The following DCBLD2 variants were observed in gnomAD, a reference collection of about 807,000 sequenced individuals.
DCBLD2 encodes discoidin, CUB and LCCL domain-containing protein 2.
A neutral mutation model predicts 86.8 loss-of-function variants in DCBLD2; 54 were observed. The ratio of observed to expected loss-of-function variants is 0.62; its 90% CI spans 0.50 to 0.78. The LOEUF (loss-of-function observed/expected upper bound fraction) is 0.78, where lower values mean the gene tolerates loss of function less well. Ranked by LOEUF, DCBLD2 falls within the 30% of genes least tolerant of loss-of-function variation. DCBLD2 has a pLI of 0.00. For missense variants in DCBLD2, 908 were observed against 954.2 expected, an observed-to-expected ratio of 0.95 and a Z score of 0.64; for synonymous variants, 354 against 341.3, an observed-to-expected ratio of 1.04 and a Z score of -0.41.
chr3:98,875,471 C>T (rs374165665), intron 2 of DCBLD2, among the ~76,000 whole-genome samples: 40 of 152,130 alleles, frequency 2.6e-4, no homozygotes, highest in African/African-American at 9.4e-4. Flanking sequence ...GATAACTCAA[C>T]ATCATAAAGT....
chr3:98,876,493 A>C (rs1576198312), intron 2 of DCBLD2, among the ~76,000 whole-genome samples: 1 of 151,360 alleles, frequency 6.6e-6, no homozygotes, highest in East Asian at 1.9e-4. Context: ...TAGTAAGAGA[A>C]ATGCAAATTA....
intron 13 of DCBLD2, among the ~76,000 whole-genome samples, chr3:98,805,240 T>A (rs1226059446): frequency 1.3e-5 from 2 of 152,030 alleles, no homozygotes; most frequent in Non-Finnish European, 2.9e-5. Context: ...TAATAAAAAA[T>A]TTGTGGAAAA....
At chr3:98,810,728 T>A (rs1004124957) in intron 12 of DCBLD2, among the ~76,000 whole-genome samples, 18 of 152,298 alleles carry the variant, frequency 1.2e-4, no homozygotes, top group Middle Eastern at 6.8e-3. Flanking sequence ...AGTTTTTTTT[T>A]ATGAATATGT....
intron 3 of DCBLD2, among the ~76,000 whole-genome samples, chr3:98,828,418 C>A (rs1482072546): frequency 6.6e-6 from 1 of 151,928 alleles, no homozygotes; most frequent in East Asian, 1.9e-4. Flanking sequence ...GACATTTCTC[C>A]AAAGAAGATA....
At chr3:98,898,488 G>A (rs1001320212) in intron 1 of DCBLD2, among the ~76,000 whole-genome samples, 1 of 151,090 alleles carries the variant, frequency 6.6e-6, no homozygotes, top group African/African-American at 2.4e-5. Context: ...GACTATATGC[G>A]AATTACAGAA....
At chr3:98,899,983 A>G (rs1212607779) in intron 1 of DCBLD2, among the ~76,000 whole-genome samples, 1 of 152,236 alleles carries the variant, frequency 6.6e-6, no homozygotes, top group Non-Finnish European at 1.5e-5. Flanking sequence ...TAATTTTAGA[A>G]GACGATCTAA....
chr3:98,881,769 T>C lies in DCBLD2; in HGVS notation c.206-2A>G, dbSNP rs1232619489. The C allele has an allele frequency of 1.9e-6, 3 of 1,581,246 alleles. No homozygotes were observed. The African/African-American group carries it at 4.0e-5, about 21-fold the overall frequency. ...GTACAGTGTGTCCACATCCATCACC[T>C]TTAAAAAAAGTGAAAAGAATGATAA... On this transcript the variant is annotated splice_acceptor_variant, in intron 1 of 15. Coordinates refer to ENST00000326840, the MANE Select transcript of DCBLD2 (RefSeq NM_080927.4). LOFTEE classifies it high-confidence loss of function.
intron 3 of DCBLD2, among the ~76,000 whole-genome samples, chr3:98,839,225 TTC>T (rs371373216): frequency 2.7e-5 from 4 of 149,854 alleles, no homozygotes; most frequent in Admixed American, 1.3e-4. Context: ...CCTTCTTTCC[TTC>T]TCTCTCTCTC....
intron 1 of DCBLD2, among the ~76,000 whole-genome samples, chr3:98,896,737 T>C (rs1011815768): frequency 3.9e-5 from 6 of 152,188 alleles, no homozygotes; most frequent in Non-Finnish European, 5.9e-5. Flanking sequence ...GGCCGTAAGG[T>C]TGTTATAAAG....
chr3:98,817,726 A>G, intron 9 of DCBLD2, 43 bp downstream of exon 9: 1 of 1,599,124 alleles, frequency 6.3e-7, no homozygotes, highest in Non-Finnish European at 8.6e-7. Context: ...GCAACCACCC[A>G]TTTAAAAAAT....
At chr3:98,822,555 T>C (rs1189971760) in intron 5 of DCBLD2, 114 bp downstream of exon 5, 2 of 1,266,004 alleles carry the variant, frequency 1.6e-6, no homozygotes, top group African/African-American at 1.5e-5. Flanking sequence ...GATTAAAAAA[T>C]GTCTTAAAAA....
At chr3:98,892,719 T>C (rs1187327165) in intron 1 of DCBLD2, among the ~76,000 whole-genome samples, 1 of 152,120 alleles carries the variant, frequency 6.6e-6, no homozygotes. Flanking sequence ...TAATCAGATA[T>C]GGATTTCTGT....
intron 1 of DCBLD2, among the ~76,000 whole-genome samples, chr3:98,884,959 A>T (rs975139537): frequency 6.6e-6 from 1 of 152,152 alleles, no homozygotes; most frequent in Non-Finnish European, 1.5e-5. Flanking sequence ...TAGGTGTCTT[A>T]TGCTCATGTT....
chr3:98,816,500 G>C (rs1477096432), intron 9 of DCBLD2, among the ~76,000 whole-genome samples: 5 of 152,132 alleles, frequency 3.3e-5, no homozygotes, highest in Non-Finnish European at 7.4e-5. Flanking sequence ...TGAGGTAGAA[G>C]ATATGTATGG....
intron 3 of DCBLD2, among the ~76,000 whole-genome samples, chr3:98,829,141 T>C (rs1382891998): frequency 1.3e-5 from 2 of 152,096 alleles, no homozygotes; most frequent in African/African-American, 4.8e-5. Flanking sequence ...GAATTGTATA[T>C]ACAGATATTT....
chr3:98,818,650 T>C (rs1942065293), intron 8 of DCBLD2, among the ~76,000 whole-genome samples: 1 of 152,190 alleles, frequency 6.6e-6, no homozygotes, highest in African/African-American at 2.4e-5. Context: ...CGGCACCATT[T>C]AATCTGCATC....
intron 2 of DCBLD2, among the ~76,000 whole-genome samples, chr3:98,854,652 T>A (rs1312714787): frequency 6.6e-6 from 1 of 152,260 alleles, no homozygotes; most frequent in Non-Finnish European, 1.5e-5. Flanking sequence ...ATAGTGGTTT[T>A]AGAAAAGTAT....
At position 98,797,561 on chromosome 3, in the gene DCBLD2, G is replaced by A. The variant is rs999462973; in HGVS notation, c.*1811C>T. ...CACATCCATATATGTTTTAATAAAA[G>A]TCTACCATCTATGTCTTTTGTTTCA... is the stretch of plus-strand genomic sequence containing the variant. On this transcript the variant is annotated 3_prime_UTR_variant, in exon 16 of 16. Transcript: ENST00000326840. 2.6e-5 allele frequency: 4 copies of A among 152,454 alleles called. No homozygotes were observed. Among genetic ancestry groups the A allele is most frequent in the Admixed American group, 2.0e-4 (3 of 15,276 alleles). 9.4% of individuals were successfully genotyped at this position (152,454 alleles called of 1,614,324 possible).
intron 1 of DCBLD2, among the ~76,000 whole-genome samples, chr3:98,900,559 T>C (rs1211001463): frequency 6.6e-6 from 1 of 152,218 alleles, no homozygotes; most frequent in East Asian, 1.9e-4. Flanking sequence ...AGCATAGCGT[T>C]GGGTCAGACC....
Sources: gnomAD v4.1 joint callset for allele counts (sites outside exome capture counted in the v4.1 genomes callset) on GRCh38, gnomAD v4.1.1 for gene constraint, MANE v1.5 for transcripts, NCBI Gene and HGNC (gene_info 2026-07-23, HGNC 2026-07-21) for gene names.